SLC35F4: variants seen among roughly 807,000 people sequenced by gnomAD.
SLC35F4 encodes chromosome 14 open reading frame 36.
Under a neutral mutation model 44.2 loss-of-function variants are expected in SLC35F4, and 24 were observed. The ratio of observed to expected loss-of-function variants is 0.54; its 90% confidence interval spans 0.39 to 0.76. SLC35F4 has a LOEUF of 0.76. Ranked by LOEUF, SLC35F4 falls within the 30% of genes least tolerant of loss-of-function variation. The pLI is 0.00. For synonymous variants in SLC35F4, 238 were observed against 223.6 expected (o/e 1.06, Z -0.57); for missense variants, 562 against 586.1 (o/e 0.96, Z 0.42).
In SLC35F4 at chr14:57,811,839, G is replaced by A. The variant is rs934286410; in HGVS notation, c.103+53884C>T. Among the ~76,000 whole-genome samples the A allele has an allele frequency of 3.3e-5, 5 of 152,092 alleles. No homozygotes were observed. In the East Asian group the frequency reaches 9.6e-4, roughly 29 times the overall value. ...TACAAAAAAAATTTAAAAATTAGCTGGGCGTGGTGGAGCACACCTGTAATC... is the reference window on the plus strand; with the variant it reads ...TACAAAAAAAATTTAAAAATTAGCTAGGCGTGGTGGAGCACACCTGTAATC... On this transcript the variant is annotated intron_variant, in intron 1 of 7. Coordinates refer to ENST00000556826, the MANE Select transcript of SLC35F4 (RefSeq NM_001306087.2).
chr14:57,609,240 T>A (rs2071350639), intron 1 of SLC35F4, among the ~76,000 whole-genome samples: 1 of 152,092 alleles, frequency 6.6e-6, no homozygotes, highest in Non-Finnish European at 1.5e-5. Flanking sequence ...TAGAAAAAAA[T>A]GATCTTTTAT....
intron 1 of SLC35F4, among the ~76,000 whole-genome samples, chr14:57,651,488 G>A (rs945183383): frequency 1.2e-4 from 18 of 152,088 alleles, no homozygotes; most frequent in Non-Finnish European, 2.5e-4. Flanking sequence ...CTGGGGACAG[G>A]TGAGGTACAG....
chr14:57,732,280 T>C (rs2076361561), intron 1 of SLC35F4, among the ~76,000 whole-genome samples: 1 of 152,162 alleles, frequency 6.6e-6, no homozygotes, highest in South Asian at 2.1e-4. Flanking sequence ...TGAAGCATGA[T>C]TGCCTCTTCT....
intron 1 of SLC35F4, among the ~76,000 whole-genome samples, chr14:57,784,263 A>T (rs1367168879): frequency 1.3e-5 from 2 of 152,222 alleles, no homozygotes. Context: ...AAATGATTTT[A>T]GACAATCTGG....
chr14:57,670,224 CTTCT>C (rs2074466656), intron 1 of SLC35F4, among the ~76,000 whole-genome samples: 1 of 151,932 alleles, frequency 6.6e-6, no homozygotes, highest in South Asian at 2.1e-4. Flanking sequence ...TCTCTCTTTT[CTTCT>C]TTATTAGTCT....
intron 1 of SLC35F4, among the ~76,000 whole-genome samples, chr14:57,861,253 G>T (rs1887654235): frequency 6.6e-6 from 1 of 152,062 alleles, no homozygotes; most frequent in Non-Finnish European, 1.5e-5. Context: ...GCAACCAGAA[G>T]AGAACCTCAA....
chr14:57,596,928 T>C (rs749523618), intron 1 of SLC35F4: 1 of 1,344,168 alleles, frequency 7.4e-7, no homozygotes, highest in Non-Finnish European at 9.9e-7. Context: ...TCTTAAACAA[T>C]ACAAACTTTA....
rs191540624 is a variant in SLC35F4 at position 57,953,331 on chromosome 14, C to A, written n.282+28582G>T. The stretch of plus-strand genomic sequence containing the variant: ...CAGTACCAGCCACTGCAAAAATATA[C>A]CAAATTGTAAAGACCATCAACCCAA... On this transcript the variant is annotated intron_variant and non_coding_transcript_variant, in intron 1 of 1. Coordinates refer to the SLC35F4 transcript ENST00000556568. Among the ~76,000 whole-genome samples the A allele has an allele frequency of 1.8e-3, 277 of 152,240 alleles. 6 individuals carry two copies. Among genetic ancestry groups the A allele is most frequent in the Admixed American group, 0.017 (258 of 15,288 alleles).
At chr14:57,815,724 C>T (rs1312755455) in intron 1 of SLC35F4, among the ~76,000 whole-genome samples, 1 of 152,028 alleles carries the variant, frequency 6.6e-6, no homozygotes, top group Admixed American at 6.6e-5. Flanking sequence ...AGTCCCTCAC[C>T]CAAAACTCCC....
intron 1 of SLC35F4, among the ~76,000 whole-genome samples, chr14:57,958,589 A>T (rs550445507): frequency 6.6e-6 from 1 of 152,220 alleles, no homozygotes; most frequent in South Asian, 2.1e-4. Flanking sequence ...TGATGGTTGA[A>T]TACTTCGTGT....
At chr14:57,874,086 A>G (rs1888347086) in intron 1 of SLC35F4, among the ~76,000 whole-genome samples, 1 of 152,206 alleles carries the variant, frequency 6.6e-6, no homozygotes, top group African/African-American at 2.4e-5. Flanking sequence ...GCTTCTATGC[A>G]GTGGAGCCAA....
At chr14:57,882,963 TA>T (rs907555117) in intron 1 of SLC35F4, among the ~76,000 whole-genome samples, 2 of 151,000 alleles carry the variant, frequency 1.3e-5, no homozygotes, top group Non-Finnish European at 2.9e-5. Flanking sequence ...CAATTAGACA[TA>T]CCTTCTTGCA....
intron 1 of SLC35F4, among the ~76,000 whole-genome samples, chr14:57,598,611 C>T (rs771529094): frequency 6.6e-6 from 1 of 152,114 alleles, no homozygotes; most frequent in East Asian, 1.9e-4. Flanking sequence ...TGTCTCCATG[C>T]GAACAAGTGC....
chr14:57,868,011 A>G (rs1386427487), upstream of SLC35F4, among the ~76,000 whole-genome samples: 3 of 152,324 alleles, frequency 2.0e-5, no homozygotes, highest in East Asian at 5.8e-4. Context: ...ATTACCGTGT[A>G]AGTCATTACC....
chr14:57,833,504 C>T lies in SLC35F4; in HGVS notation c.103+32219G>A, dbSNP rs186468407. 9.3e-4 allele frequency among the ~76,000 whole-genome samples: 142 copies of T among 152,304 alleles called. 3 individuals carry two copies. Among genetic ancestry groups the T allele is most frequent in the Admixed American group, 9.2e-3 (141 of 15,302 alleles). On this transcript the variant is annotated intron_variant, in intron 1 of 7. Transcript: ENST00000556826. ...GGGCTCTGTCCCAGAATGACTGACT[C>T]AGAATCTCTGGGGCTCAAGGCCTGG...
At chr14:57,622,567 G>T (rs1171270316) in intron 1 of SLC35F4, among the ~76,000 whole-genome samples, 1 of 150,618 alleles carries the variant, frequency 6.6e-6, no homozygotes, top group Non-Finnish European at 1.5e-5. Flanking sequence ...ACTATCGCAA[G>T]AACAAAAAAC....
chr14:57,608,097 G>A (rs1226332335), intron 1 of SLC35F4, among the ~76,000 whole-genome samples: 1 of 152,142 alleles, frequency 6.6e-6, no homozygotes, highest in Non-Finnish European at 1.5e-5. Context: ...TGGACACACA[G>A]ATCTAGAGTT....
intron 1 of SLC35F4, among the ~76,000 whole-genome samples, chr14:57,838,838 G>A (rs2065507807): frequency 6.6e-6 from 1 of 152,048 alleles, no homozygotes; most frequent in South Asian, 2.1e-4. Context: ...GGAAAATACA[G>A]GATTATTTCA....
intron 1 of SLC35F4, among the ~76,000 whole-genome samples, chr14:57,778,646 T>G (rs1446893627): frequency 1.3e-5 from 2 of 151,988 alleles, no homozygotes; most frequent in African/African-American, 4.8e-5. Flanking sequence ...TACAGAACGA[T>G]ACACCCCAAA....
Sources: gnomAD v4.1 joint callset for allele counts (sites outside exome capture counted in the v4.1 genomes callset) on GRCh38, gnomAD v4.1.1 for gene constraint, MANE v1.5 for transcripts, NCBI Gene and HGNC (gene_info 2026-07-23, HGNC 2026-07-21) for gene names.